AFG2A: variants seen among roughly 807,000 people sequenced by gnomAD.
AFG2A encodes ATPase family gene 2 protein homolog A.
chr4:123,311,616 ACT>A, the AFG2A span, among the ~76,000 whole-genome samples: 42 of 123,486 alleles, frequency 3.4e-4, no homozygotes, highest in Middle Eastern at 5.1e-3. Context: ...ACAGAACGAG[ACT>A]CTGTCTCAAA....
the AFG2A span, among the ~76,000 whole-genome samples, chr4:123,242,881 A>G: frequency 6.6e-6 from 1 of 152,176 alleles, no homozygotes; most frequent in South Asian, 2.1e-4. Context: ...AGAATCTACA[A>G]TGAACTCAAA....
At chr4:123,163,127 T>TC in the AFG2A span, among the ~76,000 whole-genome samples, 1 of 152,160 alleles carries the variant, frequency 6.6e-6, no homozygotes, top group African/African-American at 2.4e-5. Flanking sequence ...TGAACTCAGA[T>TC]TATCTGTAAA....
the AFG2A span, among the ~76,000 whole-genome samples, chr4:123,020,516 C>T: frequency 1.3e-5 from 2 of 151,786 alleles, no homozygotes; most frequent in South Asian, 4.2e-4. Context: ...TTCCAGGTGC[C>T]GGCCACTATG....
the AFG2A span, among the ~76,000 whole-genome samples, chr4:123,275,932 G>A: frequency 6.6e-6 from 1 of 152,104 alleles, no homozygotes; most frequent in South Asian, 2.1e-4. Context: ...TTGCTATTAT[G>A]AATAGTGCTA....
At chr4:122,939,755 A>G in the AFG2A span, among the ~76,000 whole-genome samples, 1 of 152,128 alleles carries the variant, frequency 6.6e-6, no homozygotes, top group African/African-American at 2.4e-5. Flanking sequence ...AGCATTAGTT[A>G]TATCTCCTAA....
At chr4:123,159,570 G>A in the AFG2A span, among the ~76,000 whole-genome samples, 1 of 152,176 alleles carries the variant, frequency 6.6e-6, no homozygotes, top group Non-Finnish European at 1.5e-5. Flanking sequence ...TAAGTCGTTG[G>A]TTAGGAAAGG....
the AFG2A span, among the ~76,000 whole-genome samples, chr4:123,113,946 G>A: frequency 6.6e-6 from 1 of 151,860 alleles, no homozygotes; most frequent in Non-Finnish European, 1.5e-5. Context: ...CCTCTCTGCA[G>A]GCAGGTTGTC....
the AFG2A span, among the ~76,000 whole-genome samples, chr4:123,155,961 T>A: frequency 3.3e-5 from 5 of 152,330 alleles, no homozygotes; most frequent in South Asian, 1.0e-3. Flanking sequence ...TTGGGTAATT[T>A]ATAAGAAAAG....
the AFG2A span, among the ~76,000 whole-genome samples, chr4:123,258,648 GTATAT>G: frequency 3.3e-5 from 5 of 152,040 alleles, no homozygotes; most frequent in East Asian, 5.8e-4. Flanking sequence ...CAAGAGAATA[GTATAT>G]TATATTCAAG....
At chr4:122,930,501 A>G in the AFG2A span, among the ~76,000 whole-genome samples, 1 of 152,152 alleles carries the variant, frequency 6.6e-6, no homozygotes, top group Non-Finnish European at 1.5e-5. Context: ...TAACAGGAGA[A>G]TGTTTTCAGA....
At chr4:122,968,764 C>T in the AFG2A span, among the ~76,000 whole-genome samples, 12 of 152,116 alleles carry the variant, frequency 7.9e-5, no homozygotes, top group Admixed American at 2.6e-4. Flanking sequence ...GTGATTTTAC[C>T]AATTTACCTT....
chr4:123,040,208 AT>A, the AFG2A span, among the ~76,000 whole-genome samples: 10 of 151,654 alleles, frequency 6.6e-5, no homozygotes, highest in African/African-American at 2.4e-4. Flanking sequence ...TGTGTCATTA[AT>A]TTTTTTTGCT....
chr4:122,941,651 C>T, the AFG2A span, among the ~76,000 whole-genome samples: 3 of 138,588 alleles, frequency 2.2e-5, no homozygotes, highest in East Asian at 6.5e-4. Flanking sequence ...ATTGCCCTGG[C>T]CAGAACTTCC....
chr4:123,188,927 T>C, the AFG2A span, among the ~76,000 whole-genome samples: 2 of 152,188 alleles, frequency 1.3e-5, no homozygotes, highest in Non-Finnish European at 2.9e-5. Flanking sequence ...CTTTTGATTA[T>C]TTCTAAATGC....
At chr4:123,296,855 G>A in the AFG2A span, among the ~76,000 whole-genome samples, 1 of 152,180 alleles carries the variant, frequency 6.6e-6, no homozygotes, top group Admixed American at 6.5e-5. Context: ...AGAAAGAATT[G>A]AGCAAGTTTA....
At chr4:123,204,868 T>G in the AFG2A span, among the ~76,000 whole-genome samples, 1 of 152,234 alleles carries the variant, frequency 6.6e-6, no homozygotes, top group South Asian at 2.1e-4. Context: ...AGGCACGTTT[T>G]GAAGTCCAAG....
chr4:123,240,007 G>C, the AFG2A span, among the ~76,000 whole-genome samples: 1 of 152,172 alleles, frequency 6.6e-6, no homozygotes, highest in East Asian at 1.9e-4. Context: ...AGGAAAGCAA[G>C]AAAAATCATA....
the AFG2A span, chr4:122,934,487 G>A: frequency 1.2e-6 from 2 of 1,614,216 alleles, no homozygotes; most frequent in East Asian, 4.5e-5. Flanking sequence ...GCCAGAGAAG[G>A]AAATGAGCAA....
At chr4:123,129,772 T>C in the AFG2A span, among the ~76,000 whole-genome samples, 1 of 152,200 alleles carries the variant, frequency 6.6e-6, no homozygotes, top group Non-Finnish European at 1.5e-5. Context: ...TGTGATTCAG[T>C]GCCTAATTCA....
Sources: allele counts gnomAD v4.1 joint callset (sites outside exome capture counted in the v4.1 genomes callset), GRCh38; gene constraint gnomAD v4.1.1; transcripts MANE v1.5; gene names NCBI Gene and HGNC (gene_info 2026-07-23, HGNC 2026-07-21).